The following CCNE2 variants were observed in gnomAD, a reference collection of about 807,000 sequenced individuals.
CCNE2 encodes the protein cyclin E2.
Under a neutral mutation model 56.8 loss-of-function variants are expected in CCNE2, and 18 were observed. That is an observed-to-expected ratio of 0.32 (90% CI 0.22 to 0.47). The LOEUF (loss-of-function observed/expected upper bound fraction) is 0.47, where lower values mean the gene tolerates loss of function less well. Among genes scored for constraint, CCNE2 ranks in the 20% least tolerant of loss-of-function variants. The pLI is 1.00. For synonymous variants in CCNE2, 139 were observed against 149.2 expected (o/e 0.93, Z 0.50); for missense variants, 371 against 467.1 (o/e 0.79, Z 1.90).
intron 10 of CCNE2, 108 bp from the exon 11 acceptor site, chr8:94,882,397 C>A: frequency 1.2e-6 from 1 of 842,460 alleles, no homozygotes; most frequent in Non-Finnish European, 1.7e-6. Context: ...TAAAAGAAAC[C>A]AAATCATAAC....
rs11775475 is a variant in CCNE2 at position 94,893,261 on chromosome 8, T to A, written c.166-292A>T. Among the ~76,000 whole-genome samples, 519 of 150,592 alleles carry A rather than the reference T, an allele frequency of 3.4e-3. 6 individuals are homozygous for A. In the East Asian group the frequency reaches 0.052, roughly 15 times the overall value. The stretch of plus-strand genomic sequence containing the variant: ...AAAATGCATCTGCAGTCTAAAATAC[T>A]AATCACTTTCAAGATCACAGAATCG... On this transcript the variant is annotated intron_variant, in intron 4 of 11. Coordinates refer to ENST00000308108, the MANE Select transcript of CCNE2 (RefSeq NM_057749.3).
At chr8:94,884,801 C>T (rs1328533821) in intron 9 of CCNE2, 2 of 288,044 alleles carry the variant, frequency 6.9e-6, no homozygotes, top group South Asian at 1.6e-4. Flanking sequence ...GAAAAAAATG[C>T]TTTTCCCCAT....
intron 4 of CCNE2, among the ~76,000 whole-genome samples, chr8:94,893,317 CT>C (rs11290412): frequency 0.32 from 44,238 of 139,140 alleles, 6,777 homozygotes; most frequent in African/African-American, 0.4. Context: ...TAGCAGGGAC[CT>C]TTTTTTTTTT....
intron 6 of CCNE2, among the ~76,000 whole-genome samples, chr8:94,888,920 G>A (rs1051196936): frequency 6.6e-6 from 1 of 152,132 alleles, no homozygotes; most frequent in African/African-American, 2.4e-5. Context: ...AGGCCAAGGC[G>A]GGCGGATCAC....
At chr8:94,894,278 A>G (rs1392181415) in intron 1 of CCNE2, 31 bp from the exon 2 acceptor site, 1 of 1,607,728 alleles carries the variant, frequency 6.2e-7, no homozygotes, top group Non-Finnish European at 8.5e-7. Context: ...GCCGCAGTCA[A>G]GTACATTGTC....
At chr8:94,884,284 G>A (rs1254486602) in intron 9 of CCNE2, among the ~76,000 whole-genome samples, 1 of 151,566 alleles carries the variant, frequency 6.6e-6, no homozygotes, top group Non-Finnish European at 1.5e-5. Flanking sequence ...TTATATGGCA[G>A]ATACAGCAGC....
chr8:94,892,703 G>C (rs1817288959), intron 5 of CCNE2, 115 bp downstream of exon 5: 3 of 567,766 alleles, frequency 5.3e-6, no homozygotes, highest in Non-Finnish European at 8.7e-6. Flanking sequence ...TTAAATATTA[G>C]TAAACAATTT....
Position 94,882,206 on chromosome 8 carries a change from G to T in CCNE2, c.1027C>A (p.Leu343Met). ...NVVKSTSPVK[L>M]KTFKKIPMED... Reference sequence around the variant, plus strand: ...ATAGGAATCTTCTTAAAAGTCTTCAGCTTCACTGGACTAGTACTTTTTACT... The same window carrying T: ...ATAGGAATCTTCTTAAAAGTCTTCATCTTCACTGGACTAGTACTTTTTACT... Residue 343 changes from leucine to methionine, a missense_variant, in exon 11 of 12, where the codon CTG (leucine) becomes ATG (methionine). Physicochemically the swap from Leu to Met is conservative, Grantham distance 15 (BLOSUM62 2). Transcript: ENST00000308108. 1 of 1,613,084 alleles carries T rather than the reference G, an allele frequency of 6.2e-7. No homozygotes were observed. Among genetic ancestry groups the T allele is most frequent in the South Asian group, 1.1e-5 (1 of 91,040 alleles).
rs760938263 is a variant in CCNE2 at position 94,894,026 on chromosome 8, G to C, written c.108C>G (p.Thr36=). The part of the protein sequence containing the change: ...QIIQAKKRKT[T]QDVKKRREEV... The stretch of plus-strand genomic sequence containing the variant: ...TCCCTCTTTCTCCTTAAATCACCTG[G>C]GTAGTTTTCCTCTTCTTGGCCTGGA... Residue 36 remains threonine, a synonymous_variant, in exon 3 of 12, where the codon ACC becomes ACG. Transcript: ENST00000308108. The C allele has an allele frequency of 1.9e-6, 3 of 1,613,788 alleles. No individual in the cohort carries two copies. The highest frequency in any genetic ancestry group is 1.1e-5 in the South Asian group (1 of 91,052).
chr8:94,882,918 C>T (rs761123869), intron 9 of CCNE2, 26 bp from the exon 10 acceptor site: 1 of 1,433,138 alleles, frequency 7.0e-7, no homozygotes, highest in Non-Finnish European at 9.8e-7. Flanking sequence ...AAAGTACAAG[C>T]AATTTAGGAG....
At chr8:94,887,796 T>C in intron 7 of CCNE2, 131 bp downstream of exon 7, 5 of 539,548 alleles carry the variant, frequency 9.3e-6, no homozygotes, top group Non-Finnish European at 1.6e-5. Context: ...GTTCAGAAAA[T>C]GTACTGAGAA....
intron 5 of CCNE2, chr8:94,891,673 A>C (rs1330925154): frequency 5.6e-6 from 3 of 535,386 alleles, no homozygotes; most frequent in Non-Finnish European, 9.6e-6. Context: ...AAAAAAAAAA[A>C]AAAAAAACAC....
In CCNE2 at chr8:94,892,853, A is replaced by G. The variant is rs1260629988; in HGVS notation, c.282T>C (p.Asn94=). ...FSRFTNYRFK[N]LFINPSPLPD... ...GCAAAGGTGAAGGATTAATAAAAAG[A>G]TTTTTAAATCTGTAATTTGTAAATC... Residue 94 remains asparagine (N), a synonymous_variant, in exon 5 of 12, where the codon AAT becomes AAC. Transcript: ENST00000308108. 1.3e-6 allele frequency: 2 copies of G among 1,482,010 alleles called. No homozygotes were observed. 91.8% of individuals were successfully genotyped at this position (1,482,010 alleles called of 1,614,324 possible). A position where few individuals can be genotyped will look rare whatever the true frequency, so the allele number is the denominator to read the frequency against.
Position 94,884,891 on chromosome 8 carries a change from T to C in CCNE2, c.831+176A>G, listed in dbSNP as rs561481319. On this transcript the variant is annotated intron_variant, in intron 9 of 11. Coordinates refer to ENST00000308108, the MANE Select transcript of CCNE2 (RefSeq NM_057749.3). ...GAAAAGTGTAAGGACTTTGTTTTTC[T>C]AGAAATATTAAGCAACATAAACACT... is the stretch of plus-strand genomic sequence containing the variant. 115 of 519,186 alleles carry C rather than the reference T, an allele frequency of 2.2e-4. No homozygotes were observed. In the East Asian group the frequency reaches 3.3e-3, roughly 15 times the overall value. 32.2% of individuals were successfully genotyped at this position (519,186 alleles called of 1,614,324 possible). A position where few individuals can be genotyped will look rare whatever the true frequency, so the allele number is the denominator to read the frequency against.
At chr8:94,896,357 G>A (rs1358594017), upstream of CCNE2, 4 of 147,646 alleles carry the variant, frequency 2.7e-5, no homozygotes, top group African/African-American at 1.0e-4. Flanking sequence ...CTGTTGGGAG[G>A]AGGGGGGCCC....
chr8:94,881,319 TAAACAC>T lies in CCNE2; in HGVS notation c.*307_*312del, dbSNP rs1816800696. 2.7e-6 allele frequency: 1 copy of T among 375,762 alleles called. No individual in the cohort carries two copies. The highest frequency in any genetic ancestry group is 4.3e-5 in the Admixed American group (1 of 23,392). The allele number at this position is 375,762 out of a possible 1,614,324, so 23.3% of individuals were successfully genotyped here. A position where few individuals can be genotyped will look rare whatever the true frequency, so the allele number is the denominator to read the frequency against. On this transcript the variant is annotated 3_prime_UTR_variant, in exon 12 of 12. Transcript: ENST00000308108. ...TGACAAAATTCCTAGTTTATCAAGA[TAAACAC>T]AGTAACACTGGATTAAAGGAAAAAC...
intron 1 of CCNE2, 98 bp downstream of exon 1, chr8:94,895,079 C>T: frequency 1.5e-6 from 1 of 667,966 alleles, no homozygotes; most frequent in Non-Finnish European, 1.9e-6. Flanking sequence ...TCTCAGCCCT[C>T]CCGATTTTCC....
In CCNE2 at chr8:94,880,474, C is replaced by A; in HGVS notation, c.*1158G>T. ...CATATCTGATAACAAAATAAACTAG[C>A]AATCTAGTTTTCTAATCTACTTTAT... is the stretch of plus-strand genomic sequence containing the variant. On this transcript the variant is annotated 3_prime_UTR_variant, in exon 12 of 12. Coordinates refer to ENST00000308108, the MANE Select transcript of CCNE2 (RefSeq NM_057749.3). 1 of 315,602 alleles carries A rather than the reference C, an allele frequency of 3.2e-6. No homozygotes were observed. The allele number at this position is 315,602 out of a possible 1,614,324, so 19.6% of individuals were successfully genotyped here.
At chr8:94,885,020 A>C in intron 9 of CCNE2, 47 bp downstream of exon 9, 1 of 1,560,720 alleles carries the variant, frequency 6.4e-7, no homozygotes, top group Non-Finnish European at 8.8e-7. Context: ...ATACACTAAA[A>C]CCTGTAATTA....
Sources: gnomAD v4.1 joint callset for allele counts (sites outside exome capture counted in the v4.1 genomes callset) on GRCh38, gnomAD v4.1.1 for gene constraint, MANE v1.5 for transcripts, NCBI Gene and HGNC (gene_info 2026-07-23, HGNC 2026-07-21) for gene names.